The following ADGRV1 variants were observed in gnomAD, a reference collection of about 807,000 sequenced individuals.
ADGRV1 encodes the protein G-protein coupled receptor 98.
A neutral mutation model predicts 596.2 loss-of-function variants in ADGRV1; 359 were observed. That is an observed-to-expected ratio of 0.60 (90% CI 0.55 to 0.66). ADGRV1 has a LOEUF of 0.66. Among genes scored for constraint, ADGRV1 ranks in the 30% least tolerant of loss-of-function variants. The pLI is 0.00. For missense variants in ADGRV1, 7,274 were observed against 7,575.6 expected (o/e 0.96, Z 1.48); for synonymous variants, 2,681 against 2,679.2 (o/e 1.00, Z -0.02).
chr5:90,750,720 G>A, intron 53 of ADGRV1, 23 bp downstream of exon 53: 8 of 1,591,866 alleles, frequency 5.0e-6, no homozygotes, highest in Non-Finnish European at 6.9e-6. Flanking sequence ...CAAAGTTATA[G>A]GAAACACTTT....
At chr5:91,081,135 T>C (rs986469989) in intron 86 of ADGRV1, among the ~76,000 whole-genome samples, 1 of 152,084 alleles carries the variant, frequency 6.6e-6, no homozygotes, top group Non-Finnish European at 1.5e-5. Flanking sequence ...CATTTTGCTC[T>C]CTCCTCTCAT....
chr5:91,075,835 A>T (rs1788809664), intron 86 of ADGRV1, among the ~76,000 whole-genome samples: 1 of 152,138 alleles, frequency 6.6e-6, no homozygotes. Flanking sequence ...TTTAGCTTAC[A>T]AGAGTTTCCA....
chr5:91,143,736 G>C (rs1795297946), intron 87 of ADGRV1, among the ~76,000 whole-genome samples: 1 of 152,150 alleles, frequency 6.6e-6, no homozygotes, highest in African/African-American at 2.4e-5. Context: ...GCCTTCCCCA[G>C]CTTGAAGGTG....
chr5:91,146,411 C>T (rs762349269), intron 87 of ADGRV1, among the ~76,000 whole-genome samples: 1 of 152,208 alleles, frequency 6.6e-6, no homozygotes, highest in Non-Finnish European at 1.5e-5. Flanking sequence ...GAAAGCCCAG[C>T]AATTGTCAAG....
chr5:90,981,504 G>A (rs907226565), intron 84 of ADGRV1, among the ~76,000 whole-genome samples: 1 of 152,054 alleles, frequency 6.6e-6, no homozygotes, highest in African/African-American at 2.4e-5. Flanking sequence ...TAGTACTTGG[G>A]TTTCCTCCCA....
At chr5:90,748,299 G>A (rs1050911899) in intron 52 of ADGRV1, among the ~76,000 whole-genome samples, 5 of 152,116 alleles carry the variant, frequency 3.3e-5, no homozygotes, top group Admixed American at 6.5e-5. Flanking sequence ...GATATAATGT[G>A]TGCCTCATAT....
At chr5:90,799,045 C>T (rs1212593545) in intron 70 of ADGRV1, among the ~76,000 whole-genome samples, 1 of 152,174 alleles carries the variant, frequency 6.6e-6, no homozygotes, top group African/African-American at 2.4e-5. Context: ...GTCGCCACCC[C>T]TATTTAACAT....
chr5:90,934,644 A>C (rs1775526796), intron 83 of ADGRV1, among the ~76,000 whole-genome samples: 1 of 152,226 alleles, frequency 6.6e-6, no homozygotes, highest in Non-Finnish European at 1.5e-5. Context: ...TTGAGATCAC[A>C]GGGACCACTG....
intron 37 of ADGRV1, 63 bp from the exon 38 acceptor site, chr5:90,706,168 C>T: frequency 8.2e-6 from 12 of 1,464,784 alleles, no homozygotes; most frequent in Non-Finnish European, 1.1e-5. Context: ...AAAAAATTCA[C>T]AAGGGGATAT....
At chr5:90,980,392 C>T (rs2151028888) in intron 84 of ADGRV1, among the ~76,000 whole-genome samples, 1 of 152,188 alleles carries the variant, frequency 6.6e-6, no homozygotes, top group Non-Finnish European at 1.5e-5. Context: ...GTTTAAATGA[C>T]CTTAATGCTA....
chr5:91,102,089 A>G, intron 86 of ADGRV1, 130 bp from the exon 87 acceptor site: 2 of 808,472 alleles, frequency 2.5e-6, no homozygotes, highest in Non-Finnish European at 3.8e-6. Flanking sequence ...CTGGCATAAG[A>G]ATGGGATTTC....
chr5:90,687,233 A>G (rs1364348491), intron 29 of ADGRV1, among the ~76,000 whole-genome samples: 2 of 152,088 alleles, frequency 1.3e-5, no homozygotes, highest in African/African-American at 4.8e-5. Context: ...CCATTTGTCA[A>G]TTTTGGCTTT....
At chr5:91,020,264 T>C (rs1436726034) in intron 85 of ADGRV1, among the ~76,000 whole-genome samples, 1 of 152,004 alleles carries the variant, frequency 6.6e-6, no homozygotes, top group Admixed American at 6.6e-5. Flanking sequence ...GAATCTAACA[T>C]GTGTCCGGTT....
At chr5:90,881,597 G>A in intron 83 of ADGRV1, among the ~76,000 whole-genome samples, 1 of 152,208 alleles carries the variant, frequency 6.6e-6, no homozygotes, top group East Asian at 1.9e-4. Context: ...AAGATTGGGT[G>A]ATGTATATCA....
chr5:90,566,533 G>C (rs1755652669), intron 1 of ADGRV1, among the ~76,000 whole-genome samples: 1 of 151,742 alleles, frequency 6.6e-6, no homozygotes, highest in African/African-American at 2.4e-5. Flanking sequence ...TCACAGTCTT[G>C]ATTATTTTAC....
chr5:90,769,673 G>T (rs889551632), intron 59 of ADGRV1, among the ~76,000 whole-genome samples: 2 of 151,846 alleles, frequency 1.3e-5, no homozygotes, highest in Non-Finnish European at 2.9e-5. Context: ...TTTTCTTTGA[G>T]ATTTTTATTA....
At chr5:90,587,808 C>T (rs760601757) in intron 1 of ADGRV1, among the ~76,000 whole-genome samples, 4 of 152,120 alleles carry the variant, frequency 2.6e-5, no homozygotes, top group African/African-American at 4.8e-5. Flanking sequence ...GATCCTCCCG[C>T]CTCAGCCTTC....
chr5:91,136,435 C>T (rs138151345), intron 87 of ADGRV1, among the ~76,000 whole-genome samples: 77 of 152,286 alleles, frequency 5.1e-4, no homozygotes, highest in African/African-American at 1.8e-3. Context: ...CCACGAAGAT[C>T]CTGCTTGGCC....
intron 36 of ADGRV1, among the ~76,000 whole-genome samples, chr5:90,705,045 T>C (rs1346355638): frequency 6.6e-6 from 1 of 152,158 alleles, no homozygotes; most frequent in African/African-American, 2.4e-5. Flanking sequence ...CTTGATCTTG[T>C]GATCCGCCTG....
Sources: allele counts gnomAD v4.1 joint callset (sites outside exome capture counted in the v4.1 genomes callset), GRCh38; gene constraint gnomAD v4.1.1; transcripts MANE v1.5; gene names NCBI Gene and HGNC (gene_info 2026-07-23, HGNC 2026-07-21).